Variants in NUDCD3 observed in about 807,000 individuals in gnomAD.
The protein encoded by NUDCD3 is nudC domain-containing protein 3.
In NUDCD3, 13 loss-of-function variants were observed where a neutral mutation model predicts 39.7. That is an observed-to-expected ratio of 0.33 (90% CI 0.21 to 0.52). NUDCD3 has a LOEUF of 0.52. Ranked by LOEUF, NUDCD3 falls within the 20% of genes least tolerant of loss-of-function variation. The probability of loss-of-function intolerance (pLI) is 0.96; values close to 1 mark genes in which losing one functional copy is unlikely to be tolerated. For missense variants in NUDCD3, 453 were observed against 458.1 expected, an observed-to-expected ratio of 0.99 and a Z score of 0.10; for synonymous variants, 175 against 172.4, an observed-to-expected ratio of 1.02 and a Z score of -0.12.
chr7:44,390,220 T>C (rs1359227178), intron 5 of NUDCD3, among the ~76,000 whole-genome samples: 1 of 151,910 alleles, frequency 6.6e-6, no homozygotes, highest in Non-Finnish European at 1.5e-5. Context: ...CAAAATTAGC[T>C]GGGCGTGGTG....
At chr7:44,417,180 T>A (rs974036705) in intron 3 of NUDCD3, among the ~76,000 whole-genome samples, 1 of 152,140 alleles carries the variant, frequency 6.6e-6, no homozygotes, top group Non-Finnish European at 1.5e-5. Flanking sequence ...ACGTCTAATG[T>A]AGAATGAGCC....
chr7:44,387,467 C>T (rs1157831659), intron 5 of NUDCD3, among the ~76,000 whole-genome samples: 8 of 152,216 alleles, frequency 5.3e-5, no homozygotes, highest in Non-Finnish European at 1.5e-5. Context: ...ATTTTGAGAA[C>T]AAGTGCTGCA....
In NUDCD3 at chr7:44,454,936, AACACAC is replaced by A. The variant is rs10539692; in HGVS notation, c.510-27239_510-27234del. ...GTGACAGAACAGGACCCTGTCTCAA[AACACAC>A]ACACACACACACACACACACACACA... is the stretch of plus-strand genomic sequence containing the variant. On this transcript the variant is annotated intron_variant, in intron 2 of 5. Transcript: ENST00000355451. 4.9e-5 allele frequency among the ~76,000 whole-genome samples: 7 copies of A among 143,406 alleles called. No individual in the cohort carries two copies. The East Asian group carries it at 6.1e-4, about 12-fold the overall frequency. 94.1% of individuals were successfully genotyped at this position (143,406 alleles called of 152,430 possible).
chr7:44,487,979 A>G (rs1292336630), intron 1 of NUDCD3, among the ~76,000 whole-genome samples: 1 of 151,846 alleles, frequency 6.6e-6, no homozygotes, highest in African/African-American at 2.4e-5. Flanking sequence ...AAAATAAAAA[A>G]AAGAACAGGT....
chr7:44,490,218 G>C (rs886732974), intron 1 of NUDCD3, 191 bp downstream of exon 1: 9 of 589,230 alleles, frequency 1.5e-5, no homozygotes, highest in African/African-American at 1.4e-4. Context: ...AGGACGTCCG[G>C]AGCGAACACC....
At chr7:44,420,026 G>A (rs1799107971) in intron 3 of NUDCD3, among the ~76,000 whole-genome samples, 1 of 152,148 alleles carries the variant, frequency 6.6e-6, no homozygotes, top group African/African-American at 2.4e-5. Flanking sequence ...ATAGGCTTCA[G>A]AAGGTGGATA....
At chr7:44,402,830 A>G in intron 4 of NUDCD3, 1 of 373,494 alleles carries the variant, frequency 2.7e-6, no homozygotes, top group East Asian at 7.6e-5. Context: ...ACAGGCGGCC[A>G]GGGCTGCACC....
chr7:44,401,389 C>T (rs1217278383), intron 4 of NUDCD3, among the ~76,000 whole-genome samples: 1 of 152,234 alleles, frequency 6.6e-6, no homozygotes, highest in East Asian at 1.9e-4. Context: ...CGCCTTAGCT[C>T]CTGTAAACAG....
chr7:44,486,599 C>G (rs187633215), intron 1 of NUDCD3, among the ~76,000 whole-genome samples: 27 of 152,270 alleles, frequency 1.8e-4, no homozygotes, highest in Non-Finnish European at 2.5e-4. Context: ...CTGCAGATAA[C>G]CTGAAGCCCT....
intron 2 of NUDCD3, among the ~76,000 whole-genome samples, chr7:44,458,911 T>G (rs1424841996): frequency 6.8e-6 from 1 of 147,982 alleles, no homozygotes; most frequent in East Asian, 2.0e-4. Flanking sequence ...ATACTGACAC[T>G]GGCTGCAGGA....
rs577319013 is a variant in NUDCD3 at position 44,396,591 on chromosome 7, T to A, written c.787-4106A>T. ...CTTTCTCCTTCCCAAACTCCAGACC[T>A]TTTTTTTTAATGGCCCACGCCTCGT... is the stretch of plus-strand genomic sequence containing the variant. On this transcript the variant is annotated intron_variant, in intron 4 of 5. Transcript: ENST00000355451. Among the ~76,000 whole-genome samples the A allele has an allele frequency of 4.6e-4, 70 of 150,784 alleles. 1 individual carries two copies. The highest frequency in any genetic ancestry group is 1.7e-3 in the African/African-American group (68 of 41,200).
At chr7:44,436,345 G>C (rs2116915465) in intron 2 of NUDCD3, among the ~76,000 whole-genome samples, 1 of 152,312 alleles carries the variant, frequency 6.6e-6, no homozygotes, top group South Asian at 2.1e-4. Flanking sequence ...GTTGCTAAGT[G>C]ATGAAGCAGG....
chr7:44,421,484 A>C (rs1224415207), intron 3 of NUDCD3, among the ~76,000 whole-genome samples: 7 of 121,186 alleles, frequency 5.8e-5, no homozygotes, highest in Non-Finnish European at 8.6e-5. Context: ...AGCAAATGGA[A>C]AGCAAAAAAA....
chr7:44,486,876 T>C (rs11760674), intron 1 of NUDCD3, among the ~76,000 whole-genome samples: 22,051 of 152,142 alleles, frequency 0.14, 1,961 homozygotes, highest in Non-Finnish European at 0.21. Flanking sequence ...ACCTCCCAAC[T>C]ATCACATGTT....
At chr7:44,418,518 TAAC>T (rs1021848827) in intron 3 of NUDCD3, among the ~76,000 whole-genome samples, 1 of 152,238 alleles carries the variant, frequency 6.6e-6, no homozygotes, top group Non-Finnish European at 1.5e-5. Context: ...GTTCCAGGCA[TAAC>T]AACAAGGGAG....
rs2116848115 is a variant in NUDCD3 at position 44,381,518 on chromosome 7, G to T, written c.*4493C>A. 6.6e-6 allele frequency: 1 copy of T among 152,422 alleles called. No individual in the cohort carries two copies. 9.4% of individuals were successfully genotyped at this position (152,422 alleles called of 1,614,324 possible). On this transcript the variant is annotated 3_prime_UTR_variant, in exon 6 of 6. Transcript: ENST00000355451. ...TCACCAGCCACATGGCCTTGGGAGT[G>T]TTACTTACTCCTGTGATTGTAGCAC...
At chr7:44,464,039 C>A (rs1169303997) in intron 2 of NUDCD3, among the ~76,000 whole-genome samples, 1 of 151,590 alleles carries the variant, frequency 6.6e-6, no homozygotes, top group South Asian at 2.1e-4. Flanking sequence ...TATGGTGAAA[C>A]CCCGTCTCTA....
chr7:44,463,161 T>C (rs975053306), intron 2 of NUDCD3, among the ~76,000 whole-genome samples: 5 of 152,146 alleles, frequency 3.3e-5, no homozygotes, highest in African/African-American at 1.2e-4. Flanking sequence ...CCAGAAACCC[T>C]AGCCCGCTCT....
chr7:44,457,053 A>G (rs1422354641), intron 2 of NUDCD3, among the ~76,000 whole-genome samples: 4 of 152,024 alleles, frequency 2.6e-5, no homozygotes, highest in African/African-American at 7.2e-5. Context: ...TAAAATTCAC[A>G]TGTCCCAATA....
Sources: allele counts gnomAD v4.1 joint callset (sites outside exome capture counted in the v4.1 genomes callset), GRCh38; gene constraint gnomAD v4.1.1; transcripts MANE v1.5; gene names NCBI Gene and HGNC (gene_info 2026-07-23, HGNC 2026-07-21).